The following DCTN4 variants were observed in gnomAD, a reference collection of about 807,000 sequenced individuals.
DCTN4 encodes the protein dynactin subunit 4.
In DCTN4, 23 loss-of-function variants were observed where a neutral mutation model predicts 62.7. The observed-to-expected ratio is 0.37, with a 90% CI of 0.26 to 0.52. DCTN4 has a LOEUF of 0.52. Among genes scored for constraint, DCTN4 ranks in the 20% least tolerant of loss-of-function variants. DCTN4 has a pLI of 0.92. For missense variants in DCTN4, 514 were observed against 580.4 expected (o/e 0.89, Z 1.18); for synonymous variants, 199 against 202.1 (o/e 0.98, Z 0.13).
chr5:150,749,955 T>C (rs1171096497), intron 3 of DCTN4, among the ~76,000 whole-genome samples: 1 of 151,978 alleles, frequency 6.6e-6, no homozygotes, highest in Non-Finnish European at 1.5e-5. Flanking sequence ...AGCATTATGC[T>C]AAATAAAAGA....
In DCTN4 at chr5:150,753,634, G is replaced by C; in HGVS notation, c.230C>G (p.Pro77Arg). ...AGTAGAGAGGGTGTGCATGCAGCCAGGACAGTCAAAACAATTGGCACATCT... is the reference window on the plus strand; with the variant it reads ...AGTAGAGAGGGTGTGCATGCAGCCACGACAGTCAAAACAATTGGCACATCT... ...KNRCANCFDCPGCMHTLSTRA... is the reference protein window; with the variant it reads ...KNRCANCFDCRGCMHTLSTRA... Residue 77 changes from proline (P) to arginine (R), a missense_variant, in exon 3 of 13, where the codon CCT becomes CGT. By Grantham distance (103) the Pro-to-Arg change is moderately radical. Coordinates refer to ENST00000447998, the MANE Select transcript of DCTN4 (RefSeq NM_016221.4). 1 of 1,613,030 alleles carries C rather than the reference G, an allele frequency of 6.2e-7. No individual in the cohort carries two copies. Among genetic ancestry groups the C allele is most frequent in the East Asian group, 2.2e-5 (1 of 44,872 alleles).
At chr5:150,752,330 A>C (rs1399843982) in intron 3 of DCTN4, among the ~76,000 whole-genome samples, 2 of 152,190 alleles carry the variant, frequency 1.3e-5, no homozygotes, top group Non-Finnish European at 2.9e-5. Flanking sequence ...AAAACACTCA[A>C]ACACTCAAAT....
At chr5:150,731,224 C>T (rs997641930) in intron 6 of DCTN4, 68 bp from the exon 7 acceptor site, 2 of 1,143,450 alleles carry the variant, frequency 1.7e-6, no homozygotes, top group Non-Finnish European at 2.6e-6. Flanking sequence ...ACCTGATTAT[C>T]CTCAGTCTAT....
At position 150,749,317 on chromosome 5, in the gene DCTN4, T is replaced by C. The variant is rs187419181; in HGVS notation, c.385+4162A>G. On this transcript the variant is annotated intron_variant, in intron 3 of 12. Transcript: ENST00000447998. ...ACCCAGTTAAAAAGTAGGGAAAAGA[T>C]TTGTACAGACAGTTCACCAAAGATA... 1.6e-3 allele frequency among the ~76,000 whole-genome samples: 245 copies of C among 152,272 alleles called. 2 individuals are homozygous for C. Among genetic ancestry groups the C allele is most frequent in the Non-Finnish European group, 2.9e-3 (200 of 68,000 alleles).
In DCTN4 at chr5:150,731,833, T is replaced by C. The variant is rs1387016234; in HGVS notation, c.538-344A>G. The C allele has an allele frequency of 1.1e-5, 17 of 1,492,516 alleles. No homozygotes were observed. The Admixed American group carries it at 2.2e-4, about 19-fold the overall frequency. 92.5% of individuals were successfully genotyped at this position (1,492,516 alleles called of 1,614,324 possible). A position where few individuals can be genotyped will look rare whatever the true frequency, so the allele number is the denominator to read the frequency against. Reference sequence around the variant, plus strand: ...AACAGACGTCTTCCTGGAACACCAGTGGTCATCTGCTAACTTCTTCAGGGT... The same window carrying C: ...AACAGACGTCTTCCTGGAACACCAGCGGTCATCTGCTAACTTCTTCAGGGT... On this transcript the variant is annotated intron_variant, in intron 5 of 12. Transcript: ENST00000447998.
At chr5:150,758,807 G>A in intron 1 of DCTN4, 52 bp downstream of exon 1, 2 of 1,601,250 alleles carry the variant, frequency 1.2e-6, no homozygotes, top group South Asian at 1.1e-5. Flanking sequence ...TGACTAGCAT[G>A]AACGCCGCGC....
chr5:150,738,700 C>T (rs963073403), intron 4 of DCTN4, among the ~76,000 whole-genome samples: 1 of 152,144 alleles, frequency 6.6e-6, no homozygotes, highest in African/African-American at 2.4e-5. Flanking sequence ...AGAACTGGAA[C>T]AAGACAAGGA....
intron 12 of DCTN4, among the ~76,000 whole-genome samples, chr5:150,711,599 G>C (rs80192522): frequency 6.6e-6 from 1 of 152,008 alleles, no homozygotes; most frequent in Non-Finnish European, 1.5e-5. Flanking sequence ...TCTGTTTCAC[G>C]GGCTCAAGTA....
At chr5:150,733,978 G>C (rs1015310305) in intron 4 of DCTN4, 2 of 152,658 alleles carry the variant, frequency 1.3e-5, no homozygotes, top group African/African-American at 4.8e-5. Flanking sequence ...ATCACTTGGG[G>C]CCAGGAGTTC....
intron 3 of DCTN4, among the ~76,000 whole-genome samples, chr5:150,747,046 T>A (rs1023460060): frequency 9.9e-5 from 15 of 152,134 alleles, no homozygotes; most frequent in Admixed American, 9.8e-4. Context: ...AACCCCATCG[T>A]CTCAGCCCAA....
At chr5:150,750,576 C>T (rs1034186185) in intron 3 of DCTN4, among the ~76,000 whole-genome samples, 5 of 152,096 alleles carry the variant, frequency 3.3e-5, no homozygotes, top group African/African-American at 9.6e-5. Context: ...TAAGAGAAGA[C>T]GGAATAAGTA....
chr5:150,750,414 G>A (rs80321510), intron 3 of DCTN4, among the ~76,000 whole-genome samples: 9,210 of 152,218 alleles, frequency 0.061, 404 homozygotes, highest in East Asian at 0.24. Context: ...ATTTTGGAGT[G>A]CTAAGGATGT....
intron 11 of DCTN4, among the ~76,000 whole-genome samples, chr5:150,716,726 T>G (rs1291815219): frequency 6.6e-6 from 1 of 152,148 alleles, no homozygotes; most frequent in East Asian, 1.9e-4. Flanking sequence ...GAGACCATCC[T>G]GGCCAACAGG....
intron 2 of DCTN4, 112 bp downstream of exon 2, chr5:150,756,305 C>T (rs1031664387): frequency 3.1e-6 from 2 of 651,574 alleles, no homozygotes; most frequent in Non-Finnish European, 5.0e-6. Flanking sequence ...TCCCAAAGTG[C>T]TGGGATTACA....
rs1561697637 is a variant in DCTN4 at position 150,731,166 on chromosome 5, T to TA, written c.612-11dup. The TA allele has an allele frequency of 3.2e-6, 5 of 1,568,650 alleles. No individual in the cohort carries two copies. The highest frequency in any genetic ancestry group is 1.7e-5 in the Admixed American group (1 of 58,718). On this transcript the variant is annotated splice_polypyrimidine_tract_variant and intron_variant, in intron 6 of 12. Coordinates refer to ENST00000447998, the MANE Select transcript of DCTN4 (RefSeq NM_016221.4). ...CTCTCCTTCTTTAAGGCTGAAAAAT[T>TA]AAAAAAACAAAACAAAACAAAACAA...
In DCTN4 at chr5:150,711,109, G is replaced by A. The variant is rs781053588; in HGVS notation, c.*40C>T. The A allele has an allele frequency of 1.9e-6, 3 of 1,581,004 alleles. No homozygotes were observed. The highest frequency in any genetic ancestry group is 3.3e-5 in the Admixed American group (2 of 59,780). ...TTCCACATTTTAACGCAGGTTTACG[G>A]TGATACTGTCCTTTGGGATCTGCCC... On this transcript the variant is annotated 3_prime_UTR_variant, in exon 13 of 13. Transcript: ENST00000447998.
intron 3 of DCTN4, among the ~76,000 whole-genome samples, chr5:150,749,663 A>G (rs905534165): frequency 2.6e-5 from 3 of 113,310 alleles, no homozygotes; most frequent in Non-Finnish European, 4.9e-5. Flanking sequence ...TTTAAAAAAT[A>G]AAAAAAAATA....
intron 6 of DCTN4, 44 bp downstream of exon 6, chr5:150,731,372 G>C: frequency 2.7e-6 from 4 of 1,469,574 alleles, no homozygotes; most frequent in Non-Finnish European, 3.8e-6. Context: ...TATTCATTTT[G>C]ATACCTGCTG....
At chr5:150,742,740 C>T (rs1231176774) in intron 3 of DCTN4, 1 of 152,730 alleles carries the variant, frequency 6.5e-6, no homozygotes, top group Non-Finnish European at 1.5e-5. Flanking sequence ...GGAATATCCA[C>T]ACATCAAAAA....
Sources: allele counts gnomAD v4.1 joint callset (sites outside exome capture counted in the v4.1 genomes callset), GRCh38; gene constraint gnomAD v4.1.1; transcripts MANE v1.5; gene names NCBI Gene and HGNC (gene_info 2026-07-23, HGNC 2026-07-21).